RSL24D1: variants seen among roughly 807,000 people sequenced by gnomAD.
RSL24D1 encodes the protein probable ribosome biogenesis protein RLP24.
In RSL24D1, 6 loss-of-function variants were observed where a neutral mutation model predicts 26.2. The observed-to-expected ratio is 0.23, with a 90% CI of 0.13 to 0.45. The LOEUF is 0.45. Among genes scored for constraint, RSL24D1 ranks in the 20% least tolerant of loss-of-function variants. RSL24D1 has a pLI of 0.99. For missense variants in RSL24D1, 176 were observed against 202.6 expected, an observed-to-expected ratio of 0.87 and a Z score of 0.80; for synonymous variants, 61 against 59.1, an observed-to-expected ratio of 1.03 and a Z score of -0.15.
In RSL24D1 at chr15:55,185,356, T is replaced by C; in HGVS notation, c.332+6A>G. 6.3e-7 allele frequency: 1 copy of C among 1,599,464 alleles called. No individual in the cohort carries two copies. The highest frequency in any genetic ancestry group is 1.1e-5 in the South Asian group (1 of 88,488). The stretch of plus-strand genomic sequence containing the variant: ...TCCAAAAGTTACTCCATACAAATAT[T>C]CATACCTGTTCATTATAAATTTAGC... On this transcript the variant is annotated splice_donor_region_variant and intron_variant, in intron 4 of 5. Transcript: ENST00000260443.
intron 4 of RSL24D1, 45 bp downstream of exon 4, chr15:55,185,317 A>G: frequency 7.0e-7 from 1 of 1,422,014 alleles, no homozygotes; most frequent in Non-Finnish European, 9.6e-7. Flanking sequence ...CTAAATATCT[A>G]CTAGTAATTA....
intron 4 of RSL24D1, 74 bp from the exon 5 acceptor site, chr15:55,183,474 C>A: frequency 9.4e-7 from 1 of 1,058,640 alleles, no homozygotes; most frequent in Non-Finnish European, 1.4e-6. Flanking sequence ...CACAATACAG[C>A]TTCTAAATTT....
rs1204987371 is a variant in RSL24D1, at chr15:55,191,015, A to G, written c.228T>C (p.Asn76=). The change falls in exon 3 of 6, where the codon AAT becomes AAC. Residue 76 remains asparagine, a synonymous_variant. Coordinates refer to ENST00000260443, the MANE Select transcript of RSL24D1 (RefSeq NM_016304.3). ...DNSFEFEKRR[N]EPIKYQRELW... is the part of the protein sequence containing the mutation. ...GCTCTCGCTGGTATTTGATAGGTTC[A>G]TTTCTACGTTTTTCAAATTCAAATG... 6.2e-7 allele frequency: 1 copy of G among 1,604,852 alleles called. No homozygotes were observed. The highest frequency in any genetic ancestry group is 2.2e-5 in the East Asian group (1 of 44,620).
At chr15:55,182,249 TAAAC>T in intron 5 of RSL24D1, 24 bp from the exon 6 acceptor site, 1 of 1,396,242 alleles carries the variant, frequency 7.2e-7, no homozygotes, top group Non-Finnish European at 1.0e-6. Flanking sequence ...AAGTAAAAAA[TAAAC>T]AACTTAATTA....
chr15:55,182,170 G>C lies in RSL24D1; in HGVS notation c.474C>G (p.Asp158Glu), dbSNP rs760350791. 1 of 1,605,810 alleles carries C rather than the reference G, an allele frequency of 6.2e-7. No homozygotes were observed. Among genetic ancestry groups the C allele is most frequent in the South Asian group, 1.1e-5 (1 of 90,712 alleles). ...KMVQQLQEDV[D>E]MEDAP is the part of the protein sequence containing the mutation. ...GAGATTTTTAAGGAGCATCTTCCAT[G>C]TCCACATCCTCTTGTAACTGCTGTA... Residue 158 changes from aspartate to glutamate, a missense_variant, in exon 6 of 6, where the codon GAC (aspartate) becomes GAG (glutamate). This residue lies in a region of RSL24D1 where 43 missense variants were observed against 38.7 expected (regional missense o/e 1.11). Coordinates refer to ENST00000260443, the MANE Select transcript of RSL24D1 (RefSeq NM_016304.3).
intron 1 of RSL24D1, among the ~76,000 whole-genome samples, chr15:55,195,036 A>G (rs1413301584): frequency 6.6e-6 from 1 of 151,454 alleles, no homozygotes; most frequent in Non-Finnish European, 1.5e-5. Context: ...AAAAAAAAAA[A>G]AAAAAAAAAG....
rs1228369949 is a variant in RSL24D1, at chr15:55,182,061, T to G, written c.*91A>C. The G allele has an allele frequency of 1.3e-6, 1 of 748,378 alleles. No homozygotes were observed. Among genetic ancestry groups the G allele is most frequent in the African/African-American group, 1.8e-5 (1 of 56,450 alleles). The allele number at this position is 748,378 out of a possible 1,614,324, so 46.4% of individuals were successfully genotyped here. A position where few individuals can be genotyped will look rare whatever the true frequency, so the allele number is the denominator to read the frequency against. ...GTCTTTTAATCGCTTTTCATTTAAG[T>G]GACCTTATGTAAAAAATAAAATAAT... On this transcript the variant is annotated 3_prime_UTR_variant, in exon 6 of 6. Transcript: ENST00000260443.
intron 5 of RSL24D1, among the ~76,000 whole-genome samples, chr15:55,182,938 C>T (rs141333070): frequency 0.01 from 1,557 of 152,238 alleles, 13 homozygotes; most frequent in Non-Finnish European, 0.017. Context: ...CTCAAAGAGC[C>T]TGGGCCTATG....
In RSL24D1 at chr15:55,182,184, G is replaced by C. The variant is rs1249849823; in HGVS notation, c.460C>G (p.Gln154Glu). 3 of 1,608,830 alleles carry C rather than the reference G, an allele frequency of 1.9e-6. No individual in the cohort carries two copies. The South Asian group carries it at 3.3e-5, about 18-fold the overall frequency. Residue 154 changes from glutamine (Q) to glutamate (E), a missense_variant, in exon 6 of 6, where the codon CAA (glutamine) becomes GAA (glutamate). Around this residue, in one of 3 missense-constraint regions of RSL24D1, gnomAD observed 43 missense variants for 38.7 expected, o/e 1.11. Coordinates refer to ENST00000260443, the MANE Select transcript of RSL24D1 (RefSeq NM_016304.3). Reference sequence around the variant, plus strand: ...GCATCTTCCATGTCCACATCCTCTTGTAACTGCTGTACCATTTTCTCTTCC... The same window carrying C: ...GCATCTTCCATGTCCACATCCTCTTCTAACTGCTGTACCATTTTCTCTTCC... The part of the protein sequence containing the change: ...QLEEKMVQQL[Q>E]EDVDMEDAP
intron 3 of RSL24D1, among the ~76,000 whole-genome samples, chr15:55,189,649 G>C (rs1251033085): frequency 2.0e-5 from 3 of 152,014 alleles, no homozygotes; most frequent in Non-Finnish European, 4.4e-5. Context: ...TAGTGTTAGT[G>C]TATTTTCTGT....
rs371062419 is a variant in RSL24D1 at position 55,185,400 on chromosome 15, T to G, written c.294A>C (p.Glu98Asp). The change falls in exon 4 of 6, where the codon GAA becomes GAC. Residue 98 changes from glutamate (E) to aspartate (D), a missense_variant. Glu to Asp is a conservative substitution (Grantham distance 45). Around this residue, in one of 3 missense-constraint regions of RSL24D1, gnomAD observed 89 missense variants for 135.1 expected, o/e 0.66. Transcript: ENST00000260443. ...ATTTAGCTTGGCGCTTCTGTTTGATTTCTTCAACTCTCTTCATCGCATCAA... is the reference window on the plus strand; with the variant it reads ...ATTTAGCTTGGCGCTTCTGTTTGATGTCTTCAACTCTCTTCATCGCATCAA... ...KTIDAMKRVE[E>D]IKQKRQAKFI... 5.0e-6 allele frequency: 8 copies of G among 1,608,942 alleles called. No individual in the cohort carries two copies. The African/African-American group carries it at 6.7e-5, about 13-fold the overall frequency.
chr15:55,196,704 G>A, intron 1 of RSL24D1, 106 bp downstream of exon 1: 4 of 1,067,934 alleles, frequency 3.7e-6, no homozygotes, highest in Non-Finnish European at 5.6e-6. Context: ...ACAACGGGAG[G>A]AACCCGGGCC....
chr15:55,186,572 G>A (rs916581084), intron 3 of RSL24D1, among the ~76,000 whole-genome samples: 4 of 152,042 alleles, frequency 2.6e-5, no homozygotes, highest in Non-Finnish European at 5.9e-5. Flanking sequence ...TATACCAAAC[G>A]CCTGGCCCAT....
At chr15:55,192,631 CTTG>C in intron 2 of RSL24D1, 86 bp downstream of exon 2, 1 of 869,372 alleles carries the variant, frequency 1.2e-6, no homozygotes, top group African/African-American at 1.7e-5. Context: ...TATAGGAGGC[CTTG>C]TTATGATTGA....
At chr15:55,190,754 A>G (rs529639185) in intron 3 of RSL24D1, among the ~76,000 whole-genome samples, 1 of 152,236 alleles carries the variant, frequency 6.6e-6, no homozygotes, top group South Asian at 2.1e-4. Context: ...TATCAAAGTT[A>G]ATAATTACAT....
chr15:55,192,131 G>C (rs1004505973), intron 2 of RSL24D1, among the ~76,000 whole-genome samples: 5 of 152,160 alleles, frequency 3.3e-5, no homozygotes, highest in African/African-American at 1.2e-4. Flanking sequence ...GGATGGAGAG[G>C]ACAGTTTAAA....
intron 1 of RSL24D1, among the ~76,000 whole-genome samples, chr15:55,194,920 T>C (rs879925628): frequency 6.7e-6 from 1 of 149,306 alleles, no homozygotes; most frequent in Admixed American, 6.7e-5. Flanking sequence ...CTACTCAGCA[T>C]GCTGAGGAGG....
intron 4 of RSL24D1, among the ~76,000 whole-genome samples, chr15:55,184,590 G>C (rs1894204230): frequency 6.6e-6 from 1 of 152,050 alleles, no homozygotes; most frequent in Admixed American, 6.6e-5. Context: ...AAAACCAGTA[G>C]GTACAAGTTT....
intron 3 of RSL24D1, among the ~76,000 whole-genome samples, chr15:55,190,561 G>A (rs12385965): frequency 0.078 from 11,893 of 152,138 alleles, 501 homozygotes; most frequent in South Asian, 0.13. Context: ...AAGAAGCACT[G>A]AATTTTATAA....
Sources: gnomAD v4.1 joint callset for allele counts (sites outside exome capture counted in the v4.1 genomes callset) on GRCh38, gnomAD v4.1.1 for gene constraint, gnomAD v4.1.1 regional missense constraint, MANE v1.5 for transcripts, NCBI Gene and HGNC (gene_info 2026-07-23, HGNC 2026-07-21) for gene names.